TMEM19: variants seen among roughly 807,000 people sequenced by gnomAD.
TMEM19 encodes transmembrane protein 19.
A neutral mutation model predicts 33.6 loss-of-function variants in TMEM19; 21 were observed. The ratio of observed to expected loss-of-function variants is 0.62; its 90% CI spans 0.44 to 0.90. TMEM19 has a LOEUF of 0.90. Among genes scored for constraint, TMEM19 ranks in the 40% least tolerant of loss-of-function variants. TMEM19 has a pLI of 0.00. For missense variants in TMEM19, 402 were observed against 401.8 expected (o/e 1.00, Z 0.00); for synonymous variants, 149 against 147.5 (o/e 1.01, Z -0.07).
chr12:71,696,631 G>T (rs12228639), intron 3 of TMEM19, 58 bp downstream of exon 3: 21,593 of 1,337,348 alleles, frequency 0.016, 657 homozygotes, highest in African/African-American at 0.11. Context: ...CTAACATAAG[G>T]TTTTTTTTTG....
Position 71,701,262 on chromosome 12 carries a change from T to C in TMEM19, c.*267T>C, listed in dbSNP as rs978508081. 5 of 255,062 alleles carry C rather than the reference T, an allele frequency of 2.0e-5. No individual in the cohort carries two copies. In the Admixed American group the frequency reaches 2.5e-4, roughly 13 times the overall value. The allele number at this position is 255,062 out of a possible 1,614,324, so 15.8% of individuals were successfully genotyped here. Reference sequence around the variant, plus strand: ...GCAATGAAGCTATATTGTCCCTACATATTACTATATATTGAACTGAAAGTT... The same window carrying C: ...GCAATGAAGCTATATTGTCCCTACACATTACTATATATTGAACTGAAAGTT... On this transcript the variant is annotated 3_prime_UTR_variant, in exon 6 of 6. Transcript: ENST00000266673.
rs145311574 is a variant in TMEM19, at chr12:71,696,453, A to T, written c.262A>T (p.Ile88Phe). The change falls in exon 3 of 6, where the codon ATC becomes TTC. Residue 88 changes from isoleucine to phenylalanine, a missense_variant. Coordinates refer to ENST00000266673, the MANE Select transcript of TMEM19 (RefSeq NM_018279.4). ...TCTTTCAGGGCTAGTCGTTGGATTT[A>T]TCCTAACCATTGCAAATTTCAGCTT... ...GALGGLVVGFILTIANFSFFT... is the reference protein window; with the variant it reads ...GALGGLVVGFFLTIANFSFFT... 2.4e-5 allele frequency: 38 copies of T among 1,611,778 alleles called. No homozygotes were observed. Among genetic ancestry groups the T allele is most frequent in the Admixed American group, 8.4e-5 (5 of 59,716 alleles).
At chr12:71,696,392 G>T in intron 2 of TMEM19, 44 bp from the exon 3 acceptor site, 1 of 1,454,756 alleles carries the variant, frequency 6.9e-7, no homozygotes, top group South Asian at 1.5e-5. Flanking sequence ...CAGCATTGAT[G>T]TATGAATTGA....
intron 5 of TMEM19, 62 bp downstream of exon 5, chr12:71,699,171 A>T: frequency 6.4e-7 from 1 of 1,565,814 alleles, no homozygotes; most frequent in Non-Finnish European, 8.8e-7. Context: ...GAAAAGAAAG[A>T]AAAAAATGTT....
At position 71,696,533 on chromosome 12, in the gene TMEM19, G is replaced by A. The variant is rs1217827003; in HGVS notation, c.342G>A (p.Lys114=). 9 of 1,611,510 alleles carry A rather than the reference G, an allele frequency of 5.6e-6. No individual in the cohort carries two copies. In the Admixed American group the frequency reaches 1.2e-4, roughly 21 times the overall value. The part of the protein sequence containing the change: ...FLSSSKLTKW[K]GEVKKRLDSE... ...CTTCTTCGAAACTCACTAAATGGAA[G>A]GGAGAAGTGAAGAAGCGTCTAGATT... The change falls in exon 3 of 6, where the codon AAG becomes AAA. Residue 114 remains lysine (K), a synonymous_variant. Transcript: ENST00000266673.
Position 71,703,187 on chromosome 12 carries a change from C to CGAAA in TMEM19, c.*2192_*2193insGAAA, listed in dbSNP as rs1882012073. Reference sequence around the variant, plus strand: ...GGGAGACTCCATCTAGACTCCATCTCAAAAAAAAAAAAAAAAAAAAAAAAA... The same window carrying CGAAA: ...GGGAGACTCCATCTAGACTCCATCTCGAAAAAAAAAAAAAAAAAAAAAAAAAAAA... On this transcript the variant is annotated 3_prime_UTR_variant, in exon 6 of 6. Transcript: ENST00000266673. The CGAAA allele has an allele frequency of 4.2e-5, 2 of 47,196 alleles. No homozygotes were observed. The highest frequency in any genetic ancestry group is 1.2e-3 in the South Asian group (2 of 1,676). 2.9% of individuals were successfully genotyped at this position (47,196 alleles called of 1,614,324 possible).
chr12:71,699,509 G>T, intron 5 of TMEM19: 1 of 249,924 alleles, frequency 4.0e-6, no homozygotes, highest in Non-Finnish European at 7.7e-6. Flanking sequence ...TTCTTACTGT[G>T]GTATCATGCT....
At chr12:71,698,603 T>C (rs1049959476) in intron 4 of TMEM19, among the ~76,000 whole-genome samples, 4 of 103,982 alleles carry the variant, frequency 3.8e-5, no homozygotes, top group African/African-American at 1.4e-4. Context: ...ACCTTGTCTC[T>C]GAAAAGAGAG....
Position 71,686,747 on chromosome 12 carries a change from A to C in TMEM19, c.67A>C (p.Ser23Arg). The C allele has an allele frequency of 6.2e-7, 1 of 1,612,708 alleles. No individual in the cohort carries two copies. Among genetic ancestry groups the C allele is most frequent in the Non-Finnish European group, 8.5e-7 (1 of 1,179,384 alleles). ...IKMITNIVILSLIICISLAFW... is the reference protein window; with the variant it reads ...IKMITNIVILRLIICISLAFW... ...GATGATAACTAATATAGTTATACTG[A>C]GCCTGATCATTTGCATTTCGTTAGC... Residue 23 changes from serine to arginine, a missense_variant, in exon 1 of 6, where the codon AGC becomes CGC. By Grantham distance (110) the Ser-to-Arg change is moderately radical (BLOSUM62 -1). Coordinates refer to ENST00000266673, the MANE Select transcript of TMEM19 (RefSeq NM_018279.4).
At chr12:71,700,235 G>A (rs1798972618) in intron 5 of TMEM19, among the ~76,000 whole-genome samples, 1 of 152,190 alleles carries the variant, frequency 6.6e-6, no homozygotes, top group East Asian at 1.9e-4. Context: ...CAGTAAACAT[G>A]TTTTTTAAAG....
At chr12:71,697,995 G>A (rs1350505856) in intron 4 of TMEM19, among the ~76,000 whole-genome samples, 3 of 152,168 alleles carry the variant, frequency 2.0e-5, no homozygotes. Context: ...CACAGGAAAT[G>A]TTCATTGGAA....
In TMEM19 at chr12:71,686,587, T is replaced by C; in HGVS notation, c.-94T>C. On this transcript the variant is annotated 5_prime_UTR_variant, in exon 1 of 6. Coordinates refer to ENST00000266673, the MANE Select transcript of TMEM19 (RefSeq NM_018279.4). ...GGTGGAATATGTTGGGATTTATGTT[T>C]GCCTCTGAACAAGTGTCTTGCTCAC... The C allele has an allele frequency of 7.2e-7, 1 of 1,380,922 alleles. No individual in the cohort carries two copies. Among genetic ancestry groups the C allele is most frequent in the South Asian group, 1.3e-5 (1 of 78,760 alleles). 85.5% of individuals were successfully genotyped at this position (1,380,922 alleles called of 1,614,324 possible). A position where few individuals can be genotyped will look rare whatever the true frequency, so the allele number is the denominator to read the frequency against.
intron 2 of TMEM19, 55 bp downstream of exon 2, chr12:71,689,759 T>G: frequency 1.3e-5 from 16 of 1,225,252 alleles, no homozygotes; most frequent in Non-Finnish European, 1.9e-5. Context: ...CTTATATAAT[T>G]TAAATTTATG....
rs1467077769 is a variant in TMEM19 at position 71,701,738 on chromosome 12, C to T, written c.*743C>T. The T allele has an allele frequency of 6.6e-6, 1 of 152,094 alleles. No individual in the cohort carries two copies. Among genetic ancestry groups the T allele is most frequent in the East Asian group, 1.9e-4 (1 of 5,202 alleles). 9.4% of individuals were successfully genotyped at this position (152,094 alleles called of 1,614,324 possible). A position where few individuals can be genotyped will look rare whatever the true frequency, so the allele number is the denominator to read the frequency against. On this transcript the variant is annotated 3_prime_UTR_variant, in exon 6 of 6. Transcript: ENST00000266673. The stretch of plus-strand genomic sequence containing the variant: ...TTGCTCTCTGAACAAAAATTATCTT[C>T]AATTTAATATGTGGAATGTGTTTTC...
At chr12:71,696,859 G>C (rs1881881964) in intron 3 of TMEM19, among the ~76,000 whole-genome samples, 1 of 152,088 alleles carries the variant, frequency 6.6e-6, no homozygotes, top group African/African-American at 2.4e-5. Context: ...GTATTAGCCA[G>C]GATGGTCGCA....
Position 71,686,707 on chromosome 12 carries a change from CA to C in TMEM19, c.31del (p.Arg11AspfsTer3), listed in dbSNP as rs1452815581. On this transcript the variant is annotated frameshift_variant, in exon 1 of 6. Coordinates refer to ENST00000266673, the MANE Select transcript of TMEM19 (RefSeq NM_018279.4). LOFTEE classifies it high-confidence loss of function. ...TGACAGATCTTAACGACAATATATG[CA>C]AAAGATATATAAAGATGATAACTAA... MTDLNDNIC[K>X]RYIKMITNIV... The C allele has an allele frequency of 3.1e-6, 5 of 1,610,658 alleles. No individual in the cohort carries two copies. Among genetic ancestry groups the C allele is most frequent in the African/African-American group, 1.3e-5 (1 of 74,720 alleles).
chr12:71,698,692 G>C (rs1210830116), intron 4 of TMEM19, among the ~76,000 whole-genome samples: 1 of 150,794 alleles, frequency 6.6e-6, no homozygotes, highest in Non-Finnish European at 1.5e-5. Context: ...AGGCAGTCTG[G>C]CTTCATTGAA....
At chr12:71,693,338 A>C (rs778263922) in intron 2 of TMEM19, among the ~76,000 whole-genome samples, 123 of 152,098 alleles carry the variant, frequency 8.1e-4, no homozygotes, top group Admixed American at 1.9e-3. Flanking sequence ...TAGCGACTAC[A>C]GGCACGCGCC....
At chr12:71,687,521 C>G (rs1302817861) in intron 1 of TMEM19, among the ~76,000 whole-genome samples, 1 of 151,678 alleles carries the variant, frequency 6.6e-6, no homozygotes, top group African/African-American at 2.4e-5. Flanking sequence ...TGAGCCACTG[C>G]ACTCCAGCCT....
Sources: allele counts gnomAD v4.1 joint callset (sites outside exome capture counted in the v4.1 genomes callset), GRCh38; gene constraint gnomAD v4.1.1; transcripts MANE v1.5; gene names NCBI Gene and HGNC (gene_info 2026-07-23, HGNC 2026-07-21).